The following MCC variants were observed in gnomAD, a reference collection of about 807,000 sequenced individuals.
The protein encoded by MCC is colorectal mutant cancer protein.
MCC carries 90 observed loss-of-function variants against 116.2 expected under a neutral mutation model. The observed-to-expected ratio is 0.77, with a 90% CI of 0.65 to 0.92. The LOEUF is 0.92. Among genes scored for constraint, MCC ranks in the 40% least tolerant of loss-of-function variants. The probability of loss-of-function intolerance (pLI) is 0.00; values close to 1 mark genes in which losing one functional copy is unlikely to be tolerated. For missense variants in MCC, 1,516 were observed against 1,312.2 expected, an observed-to-expected ratio of 1.16 and a Z score of -2.40; for synonymous variants, 578 against 510.5, an observed-to-expected ratio of 1.13 and a Z score of -1.78.
rs73781500 is a variant in MCC at position 113,043,238 on chromosome 5, C to G, written c.2756+292G>C. On this transcript the variant is annotated intron_variant, in intron 17 of 18. Coordinates refer to ENST00000408903, the MANE Select transcript of MCC (RefSeq NM_001085377.2). ...CCTGTTTTCACCTCACTAGTTAACA[C>G]TGTCCCGGAAGTTTCTAGCCAATGC... Among the ~76,000 whole-genome samples, 1,372 of 152,320 alleles carry G rather than the reference C, an allele frequency of 9.0e-3. 17 individuals are homozygous for G. The highest frequency in any genetic ancestry group is 0.031 in the African/African-American group (1,276 of 41,566).
chr5:113,388,463 G>A (rs534632965), intron 1 of MCC, among the ~76,000 whole-genome samples: 1 of 152,094 alleles, frequency 6.6e-6, no homozygotes, highest in Admixed American at 6.5e-5. Flanking sequence ...GAAGTGTTTG[G>A]GTCATGGGGG....
intron 2 of MCC, among the ~76,000 whole-genome samples, chr5:113,356,048 T>C (rs2150383628): frequency 7.1e-6 from 1 of 140,548 alleles, no homozygotes; most frequent in Middle Eastern, 3.6e-3. Flanking sequence ...TCCTTTGAAG[T>C]GACAGGCAAG....
intron 2 of MCC, among the ~76,000 whole-genome samples, chr5:113,377,558 A>C (rs1179170869): frequency 6.6e-6 from 1 of 152,218 alleles, no homozygotes; most frequent in Non-Finnish European, 1.5e-5. Flanking sequence ...ACTAGGAGGA[A>C]ACTCCAGTAA....
At chr5:113,333,802 T>TATATATGTATACATGTAC (rs1767764956) in intron 3 of MCC, among the ~76,000 whole-genome samples, 1 of 53,862 alleles carries the variant, frequency 1.9e-5, no homozygotes, top group Non-Finnish European at 3.4e-5. Flanking sequence ...TATATATATG[T>TATATATGTATACATGTAC]ATATATGTAT....
rs564866315 is a variant in MCC, at chr5:113,198,573, C to T, written c.628-47151G>A. ...AAAAAAAATAGCCGGGCATGATGGCCTGCACCTGTGGTCCCAGCTACTCGG... is the reference window on the plus strand; with the variant it reads ...AAAAAAAATAGCCGGGCATGATGGCTTGCACCTGTGGTCCCAGCTACTCGG... On this transcript the variant is annotated intron_variant, in intron 3 of 18. Transcript: ENST00000408903. Among the ~76,000 whole-genome samples the T allele has an allele frequency of 1.2e-3, 179 of 151,122 alleles. 2 individuals are homozygous for T. The highest frequency in any genetic ancestry group is 4.2e-3 in the African/African-American group (173 of 41,160).
chr5:113,266,783 C>T (rs1193743256), intron 3 of MCC, among the ~76,000 whole-genome samples: 1 of 151,738 alleles, frequency 6.6e-6, no homozygotes, highest in Non-Finnish European at 1.5e-5. Flanking sequence ...AACTACCTCC[C>T]TCCATATGGA....
intron 8 of MCC, among the ~76,000 whole-genome samples, chr5:113,099,074 T>TA (rs1756231406): frequency 6.6e-6 from 1 of 151,950 alleles, no homozygotes; most frequent in East Asian, 1.9e-4. Context: ...TTTTGGCACT[T>TA]AAAGTCTAGT....
intron 12 of MCC, among the ~76,000 whole-genome samples, chr5:113,070,206 T>G (rs911356921): frequency 2.6e-5 from 4 of 152,224 alleles, no homozygotes; most frequent in Admixed American, 2.0e-4. Flanking sequence ...AACAAGAATG[T>G]TTCTTAAACA....
chr5:113,172,386 C>A (rs878948913), intron 3 of MCC, among the ~76,000 whole-genome samples: 2 of 152,192 alleles, frequency 1.3e-5, no homozygotes, highest in African/African-American at 2.4e-5. Flanking sequence ...GCATAGAGAA[C>A]AAGCTTCATT....
At chr5:113,074,920 C>T (rs993271429) in intron 11 of MCC, among the ~76,000 whole-genome samples, 5 of 151,420 alleles carry the variant, frequency 3.3e-5, no homozygotes, top group African/African-American at 1.2e-4. Flanking sequence ...CTTGCTTGCT[C>T]TTGGCACCTC....
intron 15 of MCC, among the ~76,000 whole-genome samples, chr5:113,052,717 C>T (rs981317719): frequency 1.3e-5 from 2 of 152,158 alleles, no homozygotes; most frequent in Non-Finnish European, 2.9e-5. Flanking sequence ...TGCACTGCCA[C>T]GACCTGCTCT....
At chr5:113,087,340 G>A (rs910900713) in intron 8 of MCC, among the ~76,000 whole-genome samples, 6 of 152,142 alleles carry the variant, frequency 3.9e-5, no homozygotes, top group African/African-American at 1.4e-4. Flanking sequence ...GAGGATCGAT[G>A]GAAACGCTTG....
At chr5:113,294,324 C>T (rs760938228) in intron 3 of MCC, 1 of 1,613,828 alleles carries the variant, frequency 6.2e-7, no homozygotes, top group Non-Finnish European at 8.5e-7. Context: ...TCAGCTGTTT[C>T]TTACCTCACT....
intron 11 of MCC, among the ~76,000 whole-genome samples, chr5:113,075,324 C>A (rs576755587): frequency 7.2e-5 from 11 of 152,232 alleles, no homozygotes; most frequent in South Asian, 6.2e-4. Flanking sequence ...CCCCTCACCC[C>A]CTGTGGGTTC....
At chr5:113,278,075 AC>A (rs1278831776) in intron 3 of MCC, among the ~76,000 whole-genome samples, 2 of 152,194 alleles carry the variant, frequency 1.3e-5, no homozygotes, top group African/African-American at 2.4e-5. Flanking sequence ...CTTCCCTGCA[AC>A]CTACCAAGCC....
intron 3 of MCC, among the ~76,000 whole-genome samples, chr5:113,340,077 T>G (rs781005893): frequency 1.1e-4 from 16 of 152,212 alleles, no homozygotes; most frequent in Admixed American, 6.5e-4. Flanking sequence ...TGTCCCACAG[T>G]TTTCAACAGA....
At chr5:113,163,251 T>C (rs931943887) in intron 3 of MCC, among the ~76,000 whole-genome samples, 1 of 152,186 alleles carries the variant, frequency 6.6e-6, no homozygotes, top group South Asian at 2.1e-4. Flanking sequence ...AGGAAGTTAT[T>C]GTAAGCAAGG....
intron 3 of MCC, among the ~76,000 whole-genome samples, chr5:113,156,477 C>G (rs1320956388): frequency 2.0e-5 from 3 of 152,200 alleles, no homozygotes; most frequent in African/African-American, 4.8e-5. Context: ...TAGGGACACT[C>G]AGACTAGGAA....
At chr5:113,206,815 C>A (rs1399340613) in intron 3 of MCC, among the ~76,000 whole-genome samples, 1 of 152,342 alleles carries the variant, frequency 6.6e-6, no homozygotes, top group Non-Finnish European at 1.5e-5. Flanking sequence ...GTGAATCCTT[C>A]GTAATATTTG....
Sources: allele counts gnomAD v4.1 joint callset (sites outside exome capture counted in the v4.1 genomes callset), GRCh38; gene constraint gnomAD v4.1.1; transcripts MANE v1.5; gene names NCBI Gene and HGNC (gene_info 2026-07-23, HGNC 2026-07-21).